The following LRP1B variants were observed in gnomAD, a reference collection of about 807,000 sequenced individuals.
The protein encoded by LRP1B is LDL receptor related protein 1B.
LRP1B carries 217 observed loss-of-function variants against 556.6 expected under a neutral mutation model. The ratio of observed to expected loss-of-function variants is 0.39; its 90% CI spans 0.35 to 0.44. The LOEUF (loss-of-function observed/expected upper bound fraction) is 0.44. LRP1B is among the 20% of genes least tolerant of loss of function. The probability of loss-of-function intolerance (pLI) is 1.00; values close to 1 mark genes in which losing one functional copy is unlikely to be tolerated. For missense variants in LRP1B, 5,053 were observed against 5,620.8 expected (o/e 0.90, Z 3.23); for synonymous variants, 2,047 against 1,865.8 (o/e 1.10, Z -2.50).
At chr2:140,254,688 G>A (rs752418102) in intron 86 of LRP1B, among the ~76,000 whole-genome samples, 1 of 151,978 alleles carries the variant, frequency 6.6e-6, no homozygotes. Context: ...TGAGTATCAG[G>A]GATTACAGGC....
At chr2:140,462,008 T>G (rs889870921) in intron 60 of LRP1B, among the ~76,000 whole-genome samples, 1 of 152,198 alleles carries the variant, frequency 6.6e-6, no homozygotes, top group Non-Finnish European at 1.5e-5. Context: ...GTTTATATAT[T>G]GATTTGAAGG....
chr2:141,346,482 G>C (rs559600353), intron 3 of LRP1B, among the ~76,000 whole-genome samples: 14 of 152,030 alleles, frequency 9.2e-5, no homozygotes, highest in African/African-American at 3.4e-4. Flanking sequence ...AGTTATTAAC[G>C]TTCTCCTGGA....
intron 7 of LRP1B, among the ~76,000 whole-genome samples, chr2:141,181,890 C>T (rs1681014848): frequency 6.6e-6 from 1 of 151,912 alleles, no homozygotes; most frequent in Non-Finnish European, 1.5e-5. Flanking sequence ...GAATGTGAGT[C>T]CTATATAAAA....
intron 7 of LRP1B, among the ~76,000 whole-genome samples, chr2:141,113,749 A>G (rs2104974090): frequency 1.1e-5 from 1 of 95,130 alleles, no homozygotes; most frequent in Non-Finnish European, 2.8e-5. Context: ...TTAATTTTAA[A>G]TGCAAAAAGC....
At chr2:141,827,227 T>G (rs977473543) in intron 1 of LRP1B, among the ~76,000 whole-genome samples, 3 of 152,244 alleles carry the variant, frequency 2.0e-5, no homozygotes, top group South Asian at 4.1e-4. Context: ...GTTCTTTTGT[T>G]GAATTATCCT....
Position 140,683,418 on chromosome 2 carries a change from A to C in LRP1B, c.6799+16832T>G. On this transcript the variant is annotated intron_variant, in intron 41 of 90. Coordinates refer to ENST00000389484, the MANE Select transcript of LRP1B (RefSeq NM_018557.3). The stretch of plus-strand genomic sequence containing the variant: ...GACCATCTTGGAATAATGGGTTATC[A>C]GTTGAGGTGGATAGTGCCACCTGGG... The C allele has an allele frequency of 5.6e-6, 3 of 532,634 alleles. No individual in the cohort carries two copies. The Admixed American group carries it at 7.0e-5, about 12-fold the overall frequency. 33.0% of individuals were successfully genotyped at this position (532,634 alleles called of 1,614,324 possible). A position where few individuals can be genotyped will look rare whatever the true frequency, so the allele number is the denominator to read the frequency against.
At chr2:140,505,226 C>A (rs967834147) in intron 53 of LRP1B, among the ~76,000 whole-genome samples, 2 of 152,058 alleles carry the variant, frequency 1.3e-5, no homozygotes, top group African/African-American at 2.4e-5. Flanking sequence ...TTTTATTAAA[C>A]ATACTTTACA....
intron 59 of LRP1B, among the ~76,000 whole-genome samples, chr2:140,476,300 A>AATTT (rs373463004): frequency 0.048 from 7,296 of 152,078 alleles, 212 homozygotes; most frequent in African/African-American, 0.052. Context: ...ATCTGTTAAC[A>AATTT]CAAGTAGATT....
At position 140,868,262 on chromosome 2, in the gene LRP1B, TTC is replaced by T; in HGVS notation, c.4170-1_4170del. The T allele has an allele frequency of 4.1e-6, 6 of 1,455,142 alleles. No homozygotes were observed. Among genetic ancestry groups the T allele is most frequent in the Admixed American group, 2.6e-5 (1 of 37,870 alleles). 90.1% of individuals were successfully genotyped at this position (1,455,142 alleles called of 1,614,324 possible). A position where few individuals can be genotyped will look rare whatever the true frequency, so the allele number is the denominator to read the frequency against. On this transcript the variant is annotated splice_acceptor_variant and coding_sequence_variant, in exon 26 of 91. Coordinates refer to ENST00000389484, the MANE Select transcript of LRP1B (RefSeq NM_018557.3). LOFTEE classifies it high-confidence loss of function. Reference sequence around the variant, plus strand: ...GCATCCCAGTCTGTCCAGAAAAGAATTCTAAAAAAAAAAAAAAAAAAAGAAAT... The same window carrying T: ...GCATCCCAGTCTGTCCAGAAAAGAATTAAAAAAAAAAAAAAAAAAAGAAAT...
chr2:141,360,745 T>C (rs1435399994), intron 3 of LRP1B, among the ~76,000 whole-genome samples: 2 of 152,228 alleles, frequency 1.3e-5, no homozygotes, highest in Non-Finnish European at 1.5e-5. Context: ...AATGTCTACA[T>C]ACACTGTAGT....
intron 60 of LRP1B, among the ~76,000 whole-genome samples, chr2:140,468,062 G>A (rs1179220661): frequency 2.6e-5 from 4 of 152,104 alleles, no homozygotes; most frequent in African/African-American, 9.7e-5. Flanking sequence ...ATGTAAGAAT[G>A]ACCTCAAAAG....
intron 15 of LRP1B, among the ~76,000 whole-genome samples, chr2:140,999,357 T>C (rs1697345062): frequency 6.6e-6 from 1 of 152,030 alleles, no homozygotes; most frequent in African/African-American, 2.4e-5. Flanking sequence ...ATCCTCTTTC[T>C]TTTCCCTTTT....
intron 33 of LRP1B, among the ~76,000 whole-genome samples, chr2:140,771,846 C>T (rs535603129): frequency 6.6e-6 from 1 of 152,290 alleles, no homozygotes; most frequent in African/African-American, 2.4e-5. Context: ...TGAAGTGTAA[C>T]AAATCCAGTG....
chr2:141,554,074 A>G (rs1030476208), intron 2 of LRP1B, among the ~76,000 whole-genome samples: 9 of 139,964 alleles, frequency 6.4e-5, no homozygotes, highest in Non-Finnish European at 1.1e-4. Context: ...ATATATCTAT[A>G]TGAATAGACA....
intron 25 of LRP1B, among the ~76,000 whole-genome samples, chr2:140,872,658 T>C (rs1048133798): frequency 6.6e-6 from 1 of 151,988 alleles, no homozygotes; most frequent in African/African-American, 2.4e-5. Context: ...TTTAATTTTA[T>C]GTTTGATTTG....
At chr2:140,875,136 C>G (rs1693265660) in intron 25 of LRP1B, among the ~76,000 whole-genome samples, 1 of 152,006 alleles carries the variant, frequency 6.6e-6, no homozygotes, top group African/African-American at 2.4e-5. Flanking sequence ...ATTCCTGAAA[C>G]CCAGGGACAG....
chr2:140,399,176 C>CACACATACACACACACACACACACACACA (rs70985098), intron 66 of LRP1B, among the ~76,000 whole-genome samples: 37 of 151,714 alleles, frequency 2.4e-4, no homozygotes, highest in Non-Finnish European at 3.8e-4. Flanking sequence ...CACACACACA[C>CACACATACACACACACACACACACACACA]ACACACACAC....
chr2:141,744,312 T>C (rs368338146), intron 2 of LRP1B, among the ~76,000 whole-genome samples: 2 of 152,302 alleles, frequency 1.3e-5, no homozygotes, highest in East Asian at 3.9e-4. Context: ...CTATTATTCC[T>C]CTAGTTATAT....
intron 18 of LRP1B, among the ~76,000 whole-genome samples, chr2:140,964,922 C>T (rs1297981144): frequency 1.3e-5 from 2 of 152,096 alleles, no homozygotes; most frequent in Admixed American, 1.3e-4. Context: ...TCATTGCACT[C>T]CAGCCTGGGT....
Sources: allele counts gnomAD v4.1 joint callset (sites outside exome capture counted in the v4.1 genomes callset), GRCh38; gene constraint gnomAD v4.1.1; transcripts MANE v1.5; gene names NCBI Gene and HGNC (gene_info 2026-07-23, HGNC 2026-07-21).